Variants in SMARCAL1 observed in about 807,000 individuals in gnomAD.
SMARCAL1 encodes the protein SNF2 related chromatin remodeling annealing helicase 1.
A neutral mutation model predicts 94.5 loss-of-function variants in SMARCAL1; 58 were observed. That is an observed-to-expected ratio of 0.61 (90% CI 0.50 to 0.76). The LOEUF (loss-of-function observed/expected upper bound fraction) is 0.76, where lower values mean the gene tolerates loss of function less well. Ranked by LOEUF, SMARCAL1 falls within the 30% of genes least tolerant of loss-of-function variation. SMARCAL1 has a pLI of 0.00. For missense variants in SMARCAL1, 1,051 were observed against 1,177.9 expected (o/e 0.89, Z 1.58); for synonymous variants, 422 against 455.1 (o/e 0.93, Z 0.93).
chr2:216,481,038 A>G (rs1273508794), intron 17 of SMARCAL1, among the ~76,000 whole-genome samples: 1 of 152,090 alleles, frequency 6.6e-6, no homozygotes, highest in African/African-American at 2.4e-5. Context: ...AATGGGGGGA[A>G]CAAACTTGCA....
chr2:216,459,688 G>C (rs796377033), intron 12 of SMARCAL1, among the ~76,000 whole-genome samples: 1 of 151,956 alleles, frequency 6.6e-6, no homozygotes, highest in African/African-American at 2.4e-5. Flanking sequence ...ATTAATTCAA[G>C]ATGGATTAAA....
chr2:216,467,791 A>T (rs1156773722), intron 13 of SMARCAL1, among the ~76,000 whole-genome samples, 153 bp from the exon 14 acceptor site: 1 of 152,202 alleles, frequency 6.6e-6, no homozygotes, highest in African/African-American at 2.4e-5. Context: ...ATTTGTATTT[A>T]AAACACATTA....
At chr2:216,464,704 ATCT>A (rs1694791568) in intron 13 of SMARCAL1, 37 bp downstream of exon 13, 2 of 1,283,482 alleles carry the variant, frequency 1.6e-6, no homozygotes, top group Non-Finnish European at 2.2e-6. Context: ...TCTCTCTCTC[ATCT>A]TCAAAAAAAA....
intron 17 of SMARCAL1, chr2:216,479,097 C>T (rs1695146901): frequency 1.3e-5 from 2 of 152,414 alleles, no homozygotes; most frequent in Non-Finnish European, 2.9e-5. Context: ...TTTCCTTCCC[C>T]AGCTTGGATT....
At position 216,472,641 on chromosome 2, in the gene SMARCAL1, G is replaced by T. The variant is rs577469646; in HGVS notation, c.2245-2628G>T. On this transcript the variant is annotated intron_variant, in intron 14 of 17. Coordinates refer to ENST00000357276, the MANE Select transcript of SMARCAL1 (RefSeq NM_014140.4). ...CAAATAATGGTTTTTACATGTAAAG[G>T]TATTTCCTAACTCCCAGTAGGAAAA... Among the ~76,000 whole-genome samples, 5 of 146,050 alleles carry T rather than the reference G, an allele frequency of 3.4e-5. No individual in the cohort carries two copies. The South Asian group carries it at 1.1e-3, about 33-fold the overall frequency.
At chr2:216,469,241 T>A (rs1694904062) in intron 14 of SMARCAL1, among the ~76,000 whole-genome samples, 1 of 151,588 alleles carries the variant, frequency 6.6e-6, no homozygotes, top group Non-Finnish European at 1.5e-5. Flanking sequence ...GTAATTATCC[T>A]GCAACTTACT....
In SMARCAL1 at chr2:216,450,962, C is replaced by T; in HGVS notation, c.1968C>T (p.Ala656=). 2 of 1,614,214 alleles carry T rather than the reference C, an allele frequency of 1.2e-6. No individual in the cohort carries two copies. The highest frequency in any genetic ancestry group is 1.7e-6 in the Non-Finnish European group (2 of 1,180,034). ...LKSDVLSQLP[A]KQRKIVVIAP... ...CCGACGTCCTTTCCCAGCTGCCTGC[C>T]AAGCAGCGCAAGATAGTGGTGATTG... Residue 656 remains alanine (A), a synonymous_variant, in exon 12 of 18, where the codon GCC becomes GCT. Transcript: ENST00000357276.
intron 12 of SMARCAL1, chr2:216,451,727 T>C (rs568324017): frequency 6.5e-6 from 1 of 154,892 alleles, no homozygotes; most frequent in Non-Finnish European, 1.4e-5. Flanking sequence ...ATGATGGTTT[T>C]ATCTTTTCAA....
chr2:216,456,035 G>A (rs546775213), intron 12 of SMARCAL1, among the ~76,000 whole-genome samples: 6 of 152,352 alleles, frequency 3.9e-5, no homozygotes, highest in Admixed American at 1.3e-4. Flanking sequence ...ACCATGGCAC[G>A]AGAACTACGT....
chr2:216,457,184 T>C (rs1694586109), intron 12 of SMARCAL1, among the ~76,000 whole-genome samples: 1 of 152,160 alleles, frequency 6.6e-6, no homozygotes, highest in Non-Finnish European at 1.5e-5. Flanking sequence ...CCCAGAGTCA[T>C]AAAGCAAGTC....
chr2:216,429,858 G>A (rs1353609452), intron 7 of SMARCAL1, among the ~76,000 whole-genome samples: 4 of 152,032 alleles, frequency 2.6e-5, no homozygotes, highest in African/African-American at 9.7e-5. Context: ...AGCACACTCT[G>A]CAAAACCTCC....
At chr2:216,469,279 C>CTTTTTTTT (rs71054477) in intron 14 of SMARCAL1, among the ~76,000 whole-genome samples, 1 of 102,998 alleles carries the variant, frequency 9.7e-6, no homozygotes, top group Non-Finnish European at 1.9e-5. Flanking sequence ...TTAGAGATTT[C>CTTTTTTTT]TTTTTTTTTT....
At chr2:216,451,326 GGTGGTGATCAA>G (rs1694445592) in intron 12 of SMARCAL1, 1 of 484,362 alleles carries the variant, frequency 2.1e-6, no homozygotes, top group Non-Finnish European at 3.8e-6. Context: ...GCAACAGCAG[GGTGGTGATCAA>G]TATTCCGAAT....
rs1695234072 is a variant in SMARCAL1, at chr2:216,483,011, A to T, written c.*34A>T. 6.2e-7 allele frequency: 1 copy of T among 1,608,696 alleles called. No homozygotes were observed. The highest frequency in any genetic ancestry group is 1.7e-5 in the Admixed American group (1 of 59,332). On this transcript the variant is annotated 3_prime_UTR_variant, in exon 18 of 18. Transcript: ENST00000357276. Reference sequence around the variant, plus strand: ...AAAAGAAAAAAATAAAAAGCATTTTAAAATCATGGAATTGAAATAAAATAA... The same window carrying T: ...AAAAGAAAAAAATAAAAAGCATTTTTAAATCATGGAATTGAAATAAAATAA...
At chr2:216,446,665 A>G in intron 10 of SMARCAL1, 1 of 473,798 alleles carries the variant, frequency 2.1e-6, no homozygotes, top group Non-Finnish European at 4.2e-6. Context: ...TTTGCAGCAT[A>G]CGGTGAACAT....
chr2:216,415,527 ATTTTTCAGCTGT>A lies in SMARCAL1; in HGVS notation c.811+18_811+29del. Reference sequence around the variant, plus strand: ...CAGCAAGAATTATGGTAATGTCTTCATTTTTCAGCTGTTTTTTTTTTTTTTTCTTATTTTTGG... The same window carrying A: ...CAGCAAGAATTATGGTAATGTCTTCATTTTTTTTTTTTTTCTTATTTTTGG... On this transcript the variant is annotated intron_variant, in intron 3 of 17. Transcript: ENST00000357276. 1 of 1,555,948 alleles carries A rather than the reference ATTTTTCAGCTGT, an allele frequency of 6.4e-7. No homozygotes were observed. Among genetic ancestry groups the A allele is most frequent in the Non-Finnish European group, 8.7e-7 (1 of 1,150,498 alleles).
intron 10 of SMARCAL1, chr2:216,446,581 C>A: frequency 2.4e-6 from 1 of 425,492 alleles, no homozygotes; most frequent in South Asian, 1.7e-5. Flanking sequence ...TCTTCTCCCA[C>A]TTCCTGTCCA....
chr2:216,472,751 A>G (rs1324237046), intron 14 of SMARCAL1, among the ~76,000 whole-genome samples: 1 of 151,072 alleles, frequency 6.6e-6, no homozygotes, highest in Non-Finnish European at 1.5e-5. Flanking sequence ...AAAACACCCA[A>G]TTTCACTAGT....
chr2:216,421,862 A>G (rs1444963495), intron 5 of SMARCAL1, among the ~76,000 whole-genome samples: 1 of 152,196 alleles, frequency 6.6e-6, no homozygotes, highest in Non-Finnish European at 1.5e-5. Context: ...TTGCTTGCTT[A>G]ACAAGAGCTT....
Sources: allele counts gnomAD v4.1 joint callset (sites outside exome capture counted in the v4.1 genomes callset), GRCh38; gene constraint gnomAD v4.1.1; transcripts MANE v1.5; gene names NCBI Gene and HGNC (gene_info 2026-07-23, HGNC 2026-07-21).